The following SLC12A7 variants were observed in gnomAD, a reference collection of about 807,000 sequenced individuals.
SLC12A7 encodes the protein K-Cl cotransporter 4.
A neutral mutation model predicts 120.6 loss-of-function variants in SLC12A7; 100 were observed. The ratio of observed to expected loss-of-function variants is 0.83; its 90% CI spans 0.71 to 0.98. The LOEUF is 0.98. Among genes scored for constraint, SLC12A7 ranks in the 50% least tolerant of loss-of-function variants. SLC12A7 has a pLI of 0.00. For missense variants in SLC12A7, 1,373 were observed against 1,548.1 expected (o/e 0.89, Z 1.90); for synonymous variants, 760 against 678.0 (o/e 1.12, Z -1.88).
At chr5:1,085,685 C>T (rs1360290750) in intron 6 of SLC12A7, among the ~76,000 whole-genome samples, 1 of 150,176 alleles carries the variant, frequency 6.7e-6, no homozygotes, top group African/African-American at 2.4e-5. Context: ...GGACGGAGCC[C>T]GCGGGGGTCA....
rs750939009 is a variant in SLC12A7 at position 1,060,339 on chromosome 5, C to T, written c.2847+5G>A. 1.9e-5 allele frequency: 30 copies of T among 1,609,676 alleles called. No homozygotes were observed. Among genetic ancestry groups the T allele is most frequent in the South Asian group, 1.2e-4 (11 of 91,000 alleles). On this transcript the variant is annotated splice_donor_5th_base_variant and intron_variant, in intron 21 of 23. Transcript: ENST00000264930. ...CTGGTGTCTGTGGCCACGGCCCCCACGTACCTCTCGCTCCTGCTCGTTCTT... is the reference window on the plus strand; with the variant it reads ...CTGGTGTCTGTGGCCACGGCCCCCATGTACCTCTCGCTCCTGCTCGTTCTT...
chr5:1,092,085 G>A lies in SLC12A7; in HGVS notation c.342+1448C>T, dbSNP rs149745427. Among the ~76,000 whole-genome samples, 4 of 152,380 alleles carry A rather than the reference G, an allele frequency of 2.6e-5. No individual in the cohort carries two copies. The East Asian group carries it at 5.8e-4, about 22-fold the overall frequency. Reference sequence around the variant, plus strand: ...AGGCCCCACCCCAAGGTGGTCTCACGGTCACGTCCCTCGTCTCCGGTTACT... The same window carrying A: ...AGGCCCCACCCCAAGGTGGTCTCACAGTCACGTCCCTCGTCTCCGGTTACT... On this transcript the variant is annotated intron_variant, in intron 3 of 23. Transcript: ENST00000264930.
intron 4 of SLC12A7, 143 bp downstream of exon 4, chr5:1,088,839 C>A: frequency 9.7e-7 from 1 of 1,030,418 alleles, no homozygotes; most frequent in Non-Finnish European, 1.4e-6. Flanking sequence ...TCTACACGGG[C>A]GTCTGGGGAG....
At chr5:1,101,322 G>C (rs1741989459) in intron 1 of SLC12A7, among the ~76,000 whole-genome samples, 1 of 152,180 alleles carries the variant, frequency 6.6e-6, no homozygotes, top group Admixed American at 6.5e-5. Flanking sequence ...CCATGCACCA[G>C]GCTGACCTAT....
rs370021891 is a variant in SLC12A7 at position 1,088,324 on chromosome 5, T to C, written c.526A>G (p.Thr176Ala). 20 of 1,587,234 alleles carry C rather than the reference T, an allele frequency of 1.3e-5. No individual in the cohort carries two copies. Among genetic ancestry groups the C allele is most frequent in the South Asian group, 2.3e-5 (2 of 86,720 alleles). Reference sequence around the variant, plus strand: ...CCCTTACCTGGGACCACACCGTTGGTAGCGATCGCACTCATGGAAATGGCG... The same window carrying C: ...CCCTTACCTGGGACCACACCGTTGGCAGCGATCGCACTCATGGAAATGGCG... Reference protein sequence around the residue: ...LTAISMSAIATNGVVPAGGSY... With the variant: ...LTAISMSAIAANGVVPAGGSY... The change falls in exon 5 of 24, where the codon ACC becomes GCC. Residue 176 changes from threonine (T) to alanine (A), a missense_variant. By Grantham distance (58) the Thr-to-Ala change is moderately conservative. Transcript: ENST00000264930.
chr5:1,092,612 AG>A (rs945348238), intron 3 of SLC12A7, among the ~76,000 whole-genome samples: 1 of 152,096 alleles, frequency 6.6e-6, no homozygotes, highest in Admixed American at 6.5e-5. Context: ...CTGCCGAAGG[AG>A]GGGGGCACAG....
chr5:1,089,030 C>T lies in SLC12A7; in HGVS notation c.441G>A (p.Val147=). The T allele has an allele frequency of 6.2e-7, 1 of 1,613,066 alleles. No individual in the cohort carries two copies. Among genetic ancestry groups the T allele is most frequent in the East Asian group, 2.2e-5 (1 of 44,886 alleles). The change falls in exon 4 of 24, where the codon GTG becomes GTA. Residue 147 remains valine, a synonymous_variant. Coordinates refer to ENST00000264930, the MANE Select transcript of SLC12A7 (RefSeq NM_006598.3). ...LFLRLTWIVG[V]AGVLESFLIV... is the part of the protein sequence containing the mutation. The stretch of plus-strand genomic sequence containing the variant: ...TGAGGAAGGACTCCAGGACACCAGC[C>T]ACCCCCACGATCCACGTCAGGCGCA...
Position 1,065,320 on chromosome 5 carries a change from C to A in SLC12A7, c.2400G>T (p.Lys800Asn), listed in dbSNP as rs1297577163. Residue 800 changes from lysine (K) to asparagine (N), a missense_variant, in exon 18 of 24, where the codon AAG (lysine) becomes AAT (asparagine). By Grantham distance (94) the Lys-to-Asn change is moderately conservative. Transcript: ENST00000264930. ...TCCAGGAGAAGGGGTTGTCCTCCTGCTTCCAGGATGCGGGCCAGGCCATGA... is the reference window on the plus strand; with the variant it reads ...TCCAGGAGAAGGGGTTGTCCTCCTGATTCCAGGATGCGGGCCAGGCCATGA... ...TVLMAWPASWKQEDNPFSWKN... is the reference protein window; with the variant it reads ...TVLMAWPASWNQEDNPFSWKN... 6 of 1,588,164 alleles carry A rather than the reference C, an allele frequency of 3.8e-6. No individual in the cohort carries two copies. In the South Asian group the frequency reaches 6.8e-5, roughly 18 times the overall value.
At chr5:1,137,448 G>C in the SLC12A7 span, among the ~76,000 whole-genome samples, 123,040 of 151,802 alleles carry the variant, frequency 0.81, 50,108 homozygotes, top group East Asian at 1. Flanking sequence ...CAAATACACC[G>C]CACCCAGCCC....
the SLC12A7 span, among the ~76,000 whole-genome samples, chr5:1,125,206 A>G: frequency 1.3e-5 from 2 of 152,168 alleles, no homozygotes; most frequent in Non-Finnish European, 2.9e-5. Context: ...ACTGCAGCAC[A>G]TGGAGAAACC....
chr5:1,142,566 C>A, the SLC12A7 span, among the ~76,000 whole-genome samples: 3 of 131,554 alleles, frequency 2.3e-5, no homozygotes, highest in Admixed American at 2.4e-4. Flanking sequence ...CTCTCTCTGT[C>A]TCTCTTTCTG....
chr5:1,053,237 G>A (rs1735244469), intron 23 of SLC12A7, 112 bp downstream of exon 23: 2 of 1,373,730 alleles, frequency 1.5e-6, no homozygotes, highest in African/African-American at 1.4e-5. Context: ...GCCTGGGGCT[G>A]AAGGAGAGGC....
upstream of SLC12A7, among the ~76,000 whole-genome samples, chr5:1,113,513 G>A (rs1044021442): frequency 3.9e-5 from 6 of 152,126 alleles, no homozygotes; most frequent in Admixed American, 2.6e-4. Flanking sequence ...CTGGAACGTC[G>A]CCCATCCAGC....
In SLC12A7 at chr5:1,057,492, T is replaced by G; in HGVS notation, c.3005A>C (p.Lys1002Thr). 1.2e-6 allele frequency: 2 copies of G among 1,612,678 alleles called. No individual in the cohort carries two copies. The highest frequency in any genetic ancestry group is 2.2e-5 in the South Asian group (2 of 91,018). The change falls in exon 22 of 24, where the codon AAA becomes ACA. Residue 1002 changes from lysine (K) to threonine (T), a missense_variant. Transcript: ENST00000264930. ...TCACGGCTTCATGCTGAAGAGGTCT[T>G]TGAAACCAGATAGGCTGGTGTCTCT... ...RSRDTSLSGFKDLFSMKPDQS... is the reference protein window; with the variant it reads ...RSRDTSLSGFTDLFSMKPDQS...
chr5:1,079,499 G>A lies in SLC12A7; in HGVS notation c.1298-3C>T. On this transcript the variant is annotated splice_region_variant and splice_polypyrimidine_tract_variant and intron_variant, in intron 9 of 23. Transcript: ENST00000264930. ...CCGGTTTGAACCCGCCATGATACCT[G>A]TGAACATGGAAAATGCTGCAAAGAC... 6.2e-7 allele frequency: 1 copy of A among 1,611,086 alleles called. No homozygotes were observed. The highest frequency in any genetic ancestry group is 2.2e-5 in the East Asian group (1 of 44,868).
the SLC12A7 span, among the ~76,000 whole-genome samples, chr5:1,142,608 GTC>G: frequency 7.0e-6 from 1 of 142,548 alleles, no homozygotes; most frequent in Admixed American, 7.1e-5. Context: ...CTGTTTTTCT[GTC>G]TCTGTGTCTC....
At chr5:1,117,363 G>A in the SLC12A7 span, among the ~76,000 whole-genome samples, 1 of 152,240 alleles carries the variant, frequency 6.6e-6, no homozygotes, top group Non-Finnish European at 1.5e-5. This position sits in a 1 kb window ranked among gnomAD's most constrained non-coding sequence, Gnocchi z 4.5. Context: ...TGACCTCCAA[G>A]CTGTCCTTGT....
intron 22 of SLC12A7, chr5:1,057,264 C>G (rs188501637): frequency 1.8e-6 from 1 of 545,218 alleles, no homozygotes; most frequent in Admixed American, 3.5e-5. Context: ...CCTCAGCGCC[C>G]GGCCACAGGG....
chr5:1,078,815 G>C, intron 10 of SLC12A7, 57 bp from the exon 11 acceptor site: 1 of 612,112 alleles, frequency 1.6e-6, no homozygotes, highest in South Asian at 2.0e-5. Context: ...CAGGTACGGG[G>C]GGTGGGGTGG....
Sources: allele counts gnomAD v4.1 joint callset (sites outside exome capture counted in the v4.1 genomes callset), GRCh38; gene constraint gnomAD v4.1.1; non-coding constraint Gnocchi (gnomAD v3.1); transcripts MANE v1.5; gene names NCBI Gene and HGNC (gene_info 2026-07-23, HGNC 2026-07-21).